Variants in GPHB5 observed in about 807,000 individuals in gnomAD.
GPHB5 encodes glycoprotein hormone beta-5.
In GPHB5, 7 loss-of-function variants were observed where a neutral mutation model predicts 10.1. The ratio of observed to expected loss-of-function variants is 0.69; its 90% CI spans 0.39 to 1.30. The LOEUF is 1.30. GPHB5 is among the 50% of genes most tolerant of loss of function. The pLI is 0.01. For missense variants in GPHB5, 161 were observed against 169.8 expected (o/e 0.95, Z 0.29); for synonymous variants, 68 against 70.1 (o/e 0.97, Z 0.15).
At chr14:63,315,077 A>G (rs1483479636) in intron 2 of GPHB5, among the ~76,000 whole-genome samples, 2 of 151,514 alleles carry the variant, frequency 1.3e-5, no homozygotes, top group African/African-American at 4.9e-5. Context: ...TAATTTTTGT[A>G]TTTTTAGTAG....
intron 2 of GPHB5, among the ~76,000 whole-genome samples, chr14:63,316,465 G>C (rs533953092): frequency 6.6e-6 from 1 of 152,172 alleles, no homozygotes; most frequent in Admixed American, 6.5e-5. Flanking sequence ...AAGCTGTGAA[G>C]GTTATAAGAA....
chr14:63,317,259 G>A (rs1203316109), intron 2 of GPHB5, among the ~76,000 whole-genome samples: 1 of 151,946 alleles, frequency 6.6e-6, no homozygotes, highest in African/African-American at 2.4e-5. Flanking sequence ...GAGGAGTTTG[G>A]GTCACAAGCT....
chr14:63,313,137 CAG>C lies in GPHB5; in HGVS notation c.205-23_205-22del, dbSNP rs1427154988. The C allele has an allele frequency of 4.0e-6, 6 of 1,510,864 alleles. No individual in the cohort carries two copies. The African/African-American group carries it at 7.0e-5, about 18-fold the overall frequency. 93.6% of individuals were successfully genotyped at this position (1,510,864 alleles called of 1,614,324 possible). A position where few individuals can be genotyped will look rare whatever the true frequency, so the allele number is the denominator to read the frequency against. The stretch of plus-strand genomic sequence containing the variant: ...GGTTTCTGTCCCCATAGATAGAAAA[CAG>C]AGAATTCATTAGAACATATGATCTT... On this transcript the variant is annotated intron_variant, in intron 2 of 2. Transcript: ENST00000621500.
chr14:63,317,628 C>T lies in GPHB5; in HGVS notation c.204+18G>A, dbSNP rs1882792081. 7.4e-6 allele frequency: 12 copies of T among 1,612,874 alleles called. No homozygotes were observed. In the South Asian group the frequency reaches 7.7e-5, roughly 10 times the overall value. The stretch of plus-strand genomic sequence containing the variant: ...CTGGCCTAGAAGACACTGTCATCTG[C>T]ACAACTTAGCAACTCACCTCCCAGG... On this transcript the variant is annotated intron_variant, in intron 2 of 2. Transcript: ENST00000621500.
intron 1 of GPHB5, 97 bp downstream of exon 1, chr14:63,318,727 C>T (rs1210868685): frequency 6.6e-6 from 1 of 152,178 alleles, no homozygotes; most frequent in Non-Finnish European, 1.5e-5. Flanking sequence ...CTACTGAATT[C>T]ATTATTCTCA....
At chr14:63,313,153 ACATATGAT>A in intron 2 of GPHB5, 37 bp from the exon 3 acceptor site, 1 of 1,466,942 alleles carries the variant, frequency 6.8e-7, no homozygotes, top group South Asian at 1.3e-5. Flanking sequence ...ATTCATTAGA[ACATATGAT>A]CTTGTTTCAG....
chr14:63,314,834 C>G (rs1023654951), intron 2 of GPHB5, among the ~76,000 whole-genome samples: 1 of 143,012 alleles, frequency 7.0e-6, no homozygotes, highest in Non-Finnish European at 1.5e-5. Context: ...AATATATATA[C>G]ATATGTAACT....
intron 2 of GPHB5, among the ~76,000 whole-genome samples, chr14:63,315,728 G>A (rs1882760558): frequency 6.6e-6 from 1 of 152,174 alleles, no homozygotes; most frequent in Admixed American, 6.5e-5. Flanking sequence ...AGATTGCTGG[G>A]AAAATGAATC....
intron 2 of GPHB5, among the ~76,000 whole-genome samples, chr14:63,316,125 C>T (rs1882765745): frequency 6.6e-6 from 1 of 152,184 alleles, no homozygotes; most frequent in Non-Finnish European, 1.5e-5. Context: ...TTAGCAAAAC[C>T]CGATTTTCAT....
rs768349032 is a variant in GPHB5 at position 63,313,066 on chromosome 14, G to T, written c.255C>A (p.Thr85=). The T allele has an allele frequency of 1.9e-6, 3 of 1,607,522 alleles. No homozygotes were observed. The highest frequency in any genetic ancestry group is 1.1e-5 in the South Asian group (1 of 89,282). ...CAGTCACCTGTTTGGTCTCGTTGTA[G>T]GTACAGACTCGATGATGGGCTTCAA... is the stretch of plus-strand genomic sequence containing the variant. ...PYIEAHHRVC[T]YNETKQVTVK... is the part of the protein sequence containing the mutation. The change falls in exon 3 of 3, where the codon ACC becomes ACA. Residue 85 remains threonine, a synonymous_variant. Coordinates refer to ENST00000621500, the MANE Select transcript of GPHB5 (RefSeq NM_145171.4).
intron 2 of GPHB5, among the ~76,000 whole-genome samples, chr14:63,314,655 G>A (rs935139736): frequency 6.6e-6 from 1 of 151,916 alleles, no homozygotes; most frequent in Non-Finnish European, 1.5e-5. Flanking sequence ...CTCGTGATCT[G>A]CCTGCCTCGG....
chr14:63,318,654 A>G (rs2139685344), intron 1 of GPHB5, among the ~76,000 whole-genome samples, 170 bp downstream of exon 1: 1 of 152,268 alleles, frequency 6.6e-6, no homozygotes, highest in Non-Finnish European at 1.5e-5. Context: ...TGCTTGGCCC[A>G]CTAGACAGAA....
chr14:63,313,148 T>G (rs903330454), intron 2 of GPHB5, 32 bp from the exon 3 acceptor site: 2 of 1,496,880 alleles, frequency 1.3e-6, no homozygotes, highest in Admixed American at 4.2e-5. Flanking sequence ...AGAGAATTCA[T>G]TAGAACATAT....
chr14:63,315,087 G>C (rs1230508880), intron 2 of GPHB5, among the ~76,000 whole-genome samples: 1 of 151,646 alleles, frequency 6.6e-6, no homozygotes, highest in Non-Finnish European at 1.5e-5. Context: ...ATTTTTAGTA[G>C]AGACAGGGTT....
At chr14:63,314,660 C>T (rs1415830532) in intron 2 of GPHB5, among the ~76,000 whole-genome samples, 1 of 152,104 alleles carries the variant, frequency 6.6e-6, no homozygotes, top group African/African-American at 2.4e-5. Context: ...GATCTGCCTG[C>T]CTCGGCCTCC....
At chr14:63,318,362 A>G (rs1327640451) in intron 1 of GPHB5, among the ~76,000 whole-genome samples, 1 of 152,192 alleles carries the variant, frequency 6.6e-6, no homozygotes, top group African/African-American at 2.4e-5. Context: ...CCCTATATGC[A>G]TCGTTACTAA....
In GPHB5 at chr14:63,317,856, CTTCCGGAGA is replaced by C; in HGVS notation, c.-1-15_-1-7del. Reference sequence around the variant, plus strand: ...AGAGGAATGCCAGCTTCATGCTGCTCTTCCGGAGAGGGAAAGGACAGAGTTTAACAGATC... The same window carrying C: ...AGAGGAATGCCAGCTTCATGCTGCTCGGGAAAGGACAGAGTTTAACAGATC... On this transcript the variant is annotated splice_polypyrimidine_tract_variant and splice_region_variant and intron_variant, in intron 1 of 2. Transcript: ENST00000621500. The C allele has an allele frequency of 6.2e-7, 1 of 1,613,668 alleles. No homozygotes were observed. The highest frequency in any genetic ancestry group is 8.5e-7 in the Non-Finnish European group (1 of 1,179,654).
At chr14:63,315,760 A>G (rs149076881) in intron 2 of GPHB5, among the ~76,000 whole-genome samples, 1 of 152,312 alleles carries the variant, frequency 6.6e-6, no homozygotes, top group African/African-American at 2.4e-5. Context: ...TTTATTTTCT[A>G]TAGGTAACCT....
At chr14:63,313,699 C>G (rs993708142) in intron 2 of GPHB5, among the ~76,000 whole-genome samples, 1 of 152,162 alleles carries the variant, frequency 6.6e-6, no homozygotes. Context: ...GGCCTTTGCA[C>G]TTACCGTTCC....
Sources: allele counts gnomAD v4.1 joint callset (sites outside exome capture counted in the v4.1 genomes callset), GRCh38; gene constraint gnomAD v4.1.1; transcripts MANE v1.5; gene names NCBI Gene and HGNC (gene_info 2026-07-23, HGNC 2026-07-21).